Variants in DNAL1 observed in about 807,000 individuals in gnomAD.
DNAL1 encodes dynein axonemal light chain 1.
Under a neutral mutation model 29.4 loss-of-function variants are expected in DNAL1, and 17 were observed. The observed-to-expected ratio is 0.58, with a 90% CI of 0.40 to 0.87. The LOEUF is 0.87. Ranked by LOEUF, DNAL1 falls within the 40% of genes least tolerant of loss-of-function variation. The pLI is 0.00. For missense variants in DNAL1, 188 were observed against 214.1 expected (o/e 0.88, Z 0.76); for synonymous variants, 78 against 76.3 (o/e 1.02, Z -0.12).
In DNAL1 at chr14:73,679,972, A is replaced by T. The variant is rs1376810965; in HGVS notation, c.265-7287A>T. On this transcript the variant is annotated intron_variant, in intron 5 of 7. Coordinates refer to ENST00000553645, the MANE Select transcript of DNAL1 (RefSeq NM_031427.4). Reference sequence around the variant, plus strand: ...CCACCTGCTAAACTCCTGGATATGCATGGGTAGGTTCCTGGATGGTCAGTT... The same window carrying T: ...CCACCTGCTAAACTCCTGGATATGCTTGGGTAGGTTCCTGGATGGTCAGTT... Among the ~76,000 whole-genome samples, 4 of 151,482 alleles carry T rather than the reference A, an allele frequency of 2.6e-5. No homozygotes were observed. The East Asian group carries it at 7.7e-4, about 29-fold the overall frequency.
chr14:73,665,394 G>A (rs889974974), intron 4 of DNAL1, among the ~76,000 whole-genome samples: 2 of 152,130 alleles, frequency 1.3e-5, no homozygotes, highest in Non-Finnish European at 2.9e-5. Context: ...TGTAATTGAA[G>A]TAACTTGCTT....
At position 73,701,190 on chromosome 14, in the gene DNAL1, T is replaced by C. The variant is rs543049159; in HGVS notation, c.*5248T>C. 6.6e-6 allele frequency: 1 copy of C among 152,208 alleles called. No homozygotes were observed. The highest frequency in any genetic ancestry group is 1.9e-4 in the East Asian group (1 of 5,200). 9.4% of individuals were successfully genotyped at this position (152,208 alleles called of 1,614,324 possible). ...TTAGAGGAGACCCAGCCAACCAAATTATGATCTAGCAAATTTAACATAGGG... is the reference window on the plus strand; with the variant it reads ...TTAGAGGAGACCCAGCCAACCAAATCATGATCTAGCAAATTTAACATAGGG... On this transcript the variant is annotated 3_prime_UTR_variant, in exon 8 of 8. Transcript: ENST00000553645.
At chr14:73,669,103 AT>A (rs997844208) in intron 4 of DNAL1, among the ~76,000 whole-genome samples, 2 of 149,882 alleles carry the variant, frequency 1.3e-5, no homozygotes, top group African/African-American at 2.5e-5. Flanking sequence ...TTACCCCTTT[AT>A]TTTTTTTTAA....
rs141809857 is a variant in DNAL1 at position 73,676,104 on chromosome 14, C to T, written c.264+4507C>T. ...TAATTCTAGGCCAGGCGTGGTGGCACGTACCTGTAATCCCAGCTACTAGGG... is the reference window on the plus strand; with the variant it reads ...TAATTCTAGGCCAGGCGTGGTGGCATGTACCTGTAATCCCAGCTACTAGGG... On this transcript the variant is annotated intron_variant, in intron 5 of 7. Coordinates refer to ENST00000553645, the MANE Select transcript of DNAL1 (RefSeq NM_031427.4). 8.1e-3 allele frequency among the ~76,000 whole-genome samples: 1,229 copies of T among 151,390 alleles called. 24 individuals are homozygous for T. The highest frequency in any genetic ancestry group is 0.028 in the African/African-American group (1,164 of 41,222).
At position 73,696,994 on chromosome 14, in the gene DNAL1, G is replaced by C. The variant is rs951178870; in HGVS notation, c.*1052G>C. The C allele has an allele frequency of 6.6e-6, 1 of 152,120 alleles. No individual in the cohort carries two copies. The highest frequency in any genetic ancestry group is 2.4e-5 in the African/African-American group (1 of 41,414). 9.4% of individuals were successfully genotyped at this position (152,120 alleles called of 1,614,324 possible). Reference sequence around the variant, plus strand: ...GGAGATGTTTCATTATGAGATCCCAGGCAAATGGCAATATGTTTGAGGATT... The same window carrying C: ...GGAGATGTTTCATTATGAGATCCCACGCAAATGGCAATATGTTTGAGGATT... On this transcript the variant is annotated 3_prime_UTR_variant, in exon 8 of 8. Coordinates refer to ENST00000553645, the MANE Select transcript of DNAL1 (RefSeq NM_031427.4).
At chr14:73,677,882 A>T (rs62004927) in intron 5 of DNAL1, among the ~76,000 whole-genome samples, 101 of 22,932 alleles carry the variant, frequency 4.4e-3, no homozygotes, top group African/African-American at 0.015. Context: ...ATATATATAT[A>T]TTTGTGTGTG....
At chr14:73,654,996 C>A in intron 2 of DNAL1, 111 bp downstream of exon 2, 1 of 1,125,244 alleles carries the variant, frequency 8.9e-7, no homozygotes, top group Non-Finnish European at 1.3e-6. Context: ...TGGAACTATT[C>A]AGCTATCTTG....
intron 4 of DNAL1, among the ~76,000 whole-genome samples, chr14:73,666,349 G>C (rs1891476937): frequency 6.6e-6 from 1 of 152,116 alleles, no homozygotes; most frequent in Admixed American, 6.6e-5. Context: ...CTAAAAAGCT[G>C]TATAATATGA....
intron 4 of DNAL1, among the ~76,000 whole-genome samples, chr14:73,669,116 T>C (rs1566884552): frequency 1.3e-5 from 2 of 152,152 alleles, no homozygotes; most frequent in Admixed American, 6.6e-5. Context: ...TTTTTTTAAG[T>C]GTCCAAATGG....
intron 7 of DNAL1, among the ~76,000 whole-genome samples, chr14:73,692,918 C>A (rs1204491239): frequency 6.6e-6 from 1 of 151,820 alleles, no homozygotes; most frequent in Admixed American, 6.6e-5. Flanking sequence ...CTCGCTGCAG[C>A]CTCCACCTCC....
chr14:73,671,552 G>A lies in DNAL1; in HGVS notation c.219G>A (p.Arg73=), dbSNP rs1287992102. Residue 73 remains arginine (R), a synonymous_variant, in exon 5 of 8, where the codon AGG becomes AGA. Coordinates refer to ENST00000553645, the MANE Select transcript of DNAL1 (RefSeq NM_031427.4). ...IANLNGLKNL[R]ILSLGRNNIK... is the part of the protein sequence containing the mutation. ...TTCTTTTCACTACAGAAAACTTGAG[G>A]ATATTATCTTTAGGAAGAAACAACA... 10 of 1,487,854 alleles carry A rather than the reference G, an allele frequency of 6.7e-6. No homozygotes were observed. Among genetic ancestry groups the A allele is most frequent in the South Asian group, 1.4e-5 (1 of 69,590 alleles). The allele number at this position is 1,487,854 out of a possible 1,614,324, so 92.2% of individuals were successfully genotyped here. A position where few individuals can be genotyped will look rare whatever the true frequency, so the allele number is the denominator to read the frequency against.
chr14:73,666,861 C>A (rs1891495123), intron 4 of DNAL1, among the ~76,000 whole-genome samples: 1 of 152,066 alleles, frequency 6.6e-6, no homozygotes, highest in South Asian at 2.1e-4. Flanking sequence ...TACTGTCCCC[C>A]TTGATTTCCT....
intron 1 of DNAL1, among the ~76,000 whole-genome samples, chr14:73,648,607 G>T (rs59702683): frequency 3.4e-5 from 5 of 149,178 alleles, no homozygotes; most frequent in Middle Eastern, 6.9e-3. Flanking sequence ...GTAGAGAGAG[G>T]GTTCTCCATG....
chr14:73,668,384 G>A (rs74995185), intron 4 of DNAL1, among the ~76,000 whole-genome samples: 1,581 of 152,232 alleles, frequency 0.01, 18 homozygotes, highest in Middle Eastern at 0.051. Flanking sequence ...TCGAATAAGC[G>A]TTTAATTCTT....
chr14:73,677,668 T>G (rs1891769407), intron 5 of DNAL1, among the ~76,000 whole-genome samples: 1 of 149,532 alleles, frequency 6.7e-6, no homozygotes, highest in Non-Finnish European at 1.5e-5. Flanking sequence ...GCCATTCTCC[T>G]GCCTCAGCCT....
chr14:73,680,793 T>C (rs1768988163), intron 5 of DNAL1, among the ~76,000 whole-genome samples: 1 of 152,198 alleles, frequency 6.6e-6, no homozygotes, highest in Non-Finnish European at 1.5e-5. Flanking sequence ...CTAGATGGTA[T>C]AGCCTACTAC....
intron 5 of DNAL1, among the ~76,000 whole-genome samples, chr14:73,675,519 G>A (rs1443881145): frequency 6.6e-6 from 1 of 151,238 alleles, no homozygotes; most frequent in Non-Finnish European, 1.5e-5. Flanking sequence ...TGTTGTACAG[G>A]CTGGTCTTGA....
chr14:73,649,733 T>C (rs1891070977), intron 1 of DNAL1, among the ~76,000 whole-genome samples: 1 of 152,168 alleles, frequency 6.6e-6, no homozygotes, highest in Non-Finnish European at 1.5e-5. Context: ...TCCTTAGTAA[T>C]TGTTACCTTC....
chr14:73,684,084 A>G (rs1215845418), intron 5 of DNAL1, among the ~76,000 whole-genome samples: 2 of 152,200 alleles, frequency 1.3e-5, no homozygotes, highest in Non-Finnish European at 2.9e-5. Context: ...ACTTAACATA[A>G]TGTTCTCCAG....
Sources: gnomAD v4.1 joint callset for allele counts (sites outside exome capture counted in the v4.1 genomes callset) on GRCh38, gnomAD v4.1.1 for gene constraint, MANE v1.5 for transcripts, NCBI Gene and HGNC (gene_info 2026-07-23, HGNC 2026-07-21) for gene names.